ZNF33B: variants seen among roughly 807,000 people sequenced by gnomAD.
ZNF33B encodes zinc finger protein 11b (KOX 2).
Under a neutral mutation model 45.8 loss-of-function variants are expected in ZNF33B, and 29 were observed. That is an observed-to-expected ratio of 0.63 (90% CI 0.47 to 0.86). The LOEUF (loss-of-function observed/expected upper bound fraction) is 0.86, where lower values mean the gene tolerates loss of function less well. Ranked by LOEUF, ZNF33B falls within the 40% of genes least tolerant of loss-of-function variation. ZNF33B has a pLI of 0.00. For missense variants in ZNF33B, 831 were observed against 909.9 expected (o/e 0.91, Z 1.12); for synonymous variants, 305 against 307.8 (o/e 0.99, Z 0.10).
chr10:42,624,092 G>C (rs1257417574), intron 4 of ZNF33B, among the ~76,000 whole-genome samples: 1 of 152,230 alleles, frequency 6.6e-6, no homozygotes, highest in Non-Finnish European at 1.5e-5. Flanking sequence ...GTTGGCCACT[G>C]CATGTTCACA....
At chr10:42,610,287 G>C (rs1195735655) in intron 4 of ZNF33B, among the ~76,000 whole-genome samples, 7 of 152,300 alleles carry the variant, frequency 4.6e-5, no homozygotes, top group African/African-American at 1.4e-4. Flanking sequence ...TGTAATCCCA[G>C]CACTTTGGAA....
chr10:42,580,788 GGGACCC>G (rs1836811650), intron 1 of ZNF33B, among the ~76,000 whole-genome samples: 1 of 151,568 alleles, frequency 6.6e-6, no homozygotes, highest in South Asian at 2.1e-4. Context: ...GTATGGTAGT[GGGACCC>G]TGTGGCAGAG....
chr10:42,600,455 C>T (rs868736491), intron 4 of ZNF33B, among the ~76,000 whole-genome samples: 6 of 152,138 alleles, frequency 3.9e-5, no homozygotes, highest in Non-Finnish European at 4.4e-5. Flanking sequence ...GTATTCCTGG[C>T]TCTGAAAGCT....
At chr10:42,606,676 G>T (rs1451910096) in intron 4 of ZNF33B, among the ~76,000 whole-genome samples, 1 of 151,814 alleles carries the variant, frequency 6.6e-6, no homozygotes, top group Non-Finnish European at 1.5e-5. Context: ...ACACACTGGG[G>T]CCTATTGAGG....
intron 4 of ZNF33B, among the ~76,000 whole-genome samples, chr10:42,612,992 C>G (rs575786041): frequency 6.6e-6 from 1 of 152,142 alleles, no homozygotes; most frequent in Admixed American, 6.6e-5. Context: ...TAAGAAGAAG[C>G]CAGGAATAAA....
chr10:42,633,937 T>C (rs1839168862), intron 2 of ZNF33B, among the ~76,000 whole-genome samples: 1 of 147,890 alleles, frequency 6.8e-6, no homozygotes, highest in East Asian at 2.0e-4. Flanking sequence ...ACCACTGCAC[T>C]CCAGCCTGGG....
chr10:42,610,503 A>C (rs767511839), intron 4 of ZNF33B, among the ~76,000 whole-genome samples: 2 of 152,170 alleles, frequency 1.3e-5, no homozygotes, highest in Non-Finnish European at 2.9e-5. Flanking sequence ...GCGCCATTGC[A>C]CTCCACCCTG....
intron 4 of ZNF33B, among the ~76,000 whole-genome samples, chr10:42,598,686 G>A (rs1837497612): frequency 6.6e-6 from 1 of 152,234 alleles, no homozygotes; most frequent in Admixed American, 6.5e-5. Context: ...AGTTGGCCGA[G>A]ATACAGGGAA....
chr10:42,578,654 G>C (rs1338181230), intron 1 of ZNF33B: 5 of 152,630 alleles, frequency 3.3e-5, no homozygotes, highest in African/African-American at 1.2e-4. Context: ...CGGGATCCCT[G>C]ATCACTACTC....
chr10:42,584,261 A>T (rs563392917), downstream of ZNF33B, among the ~76,000 whole-genome samples: 7 of 152,228 alleles, frequency 4.6e-5, no homozygotes, highest in Admixed American at 2.6e-4. Context: ...TGCCAGAATG[A>T]CAAGGACAGT....
chr10:42,621,487 A>AGG (rs1392247668), intron 4 of ZNF33B, among the ~76,000 whole-genome samples: 1 of 152,132 alleles, frequency 6.6e-6, no homozygotes, highest in Non-Finnish European at 1.5e-5. Flanking sequence ...CAAGTGACCA[A>AGG]GGGGGACTTA....
chr10:42,580,604 A>G (rs1266027385), intron 1 of ZNF33B, among the ~76,000 whole-genome samples: 11 of 151,716 alleles, frequency 7.3e-5, no homozygotes, highest in Non-Finnish European at 1.6e-4. Context: ...ATTTTGGAAT[A>G]TTTTGAGTGG....
rs550471881 is a variant in ZNF33B at position 42,593,867 on chromosome 10, T to A, written c.1083A>T (p.Gln361His). The change falls in exon 5 of 5, where the codon CAA becomes CAT. Residue 361 changes from glutamine to histidine, a missense_variant. By Grantham distance (24) the Gln-to-His change is conservative (BLOSUM62 0). Transcript: ENST00000359467. ...ACTTCTCCCAGAAAGTTTTTCCACA[T>A]TGATTACATTGAAAGTGTTTCTCTC... ...HTGEKHFQCNQCGKTFWEKSN... is the reference protein window; with the variant it reads ...HTGEKHFQCNHCGKTFWEKSN... 4.3e-6 allele frequency: 7 copies of A among 1,613,986 alleles called. No homozygotes were observed. Among genetic ancestry groups the A allele is most frequent in the Non-Finnish European group, 5.9e-6 (7 of 1,179,982 alleles).
At chr10:42,626,328 T>C (rs1207334165) in intron 4 of ZNF33B, among the ~76,000 whole-genome samples, 1 of 152,212 alleles carries the variant, frequency 6.6e-6, no homozygotes, top group Non-Finnish European at 1.5e-5. Context: ...TATAGGTCTG[T>C]AGTTTTATTA....
intron 4 of ZNF33B, among the ~76,000 whole-genome samples, chr10:42,629,857 A>G (rs73266646): frequency 0.02 from 3,092 of 152,290 alleles, 79 homozygotes; most frequent in African/African-American, 0.063. Context: ...TGTTCTAGGT[A>G]TTAAAATGTA....
At chr10:42,596,776 T>A (rs1349391240) in intron 4 of ZNF33B, among the ~76,000 whole-genome samples, 2 of 152,102 alleles carry the variant, frequency 1.3e-5, no homozygotes, top group East Asian at 3.8e-4. Context: ...TACATATTTT[T>A]CTCCTGTCAC....
intron 1 of ZNF33B, among the ~76,000 whole-genome samples, chr10:42,637,579 G>A (rs1420273051): frequency 6.6e-6 from 1 of 152,214 alleles, no homozygotes; most frequent in Admixed American, 6.5e-5. Context: ...TCCTGAACAA[G>A]TCAGTAACCT....
chr10:42,604,217 G>A (rs1837746465), intron 4 of ZNF33B, among the ~76,000 whole-genome samples: 1 of 151,564 alleles, frequency 6.6e-6, no homozygotes, highest in African/African-American at 2.4e-5. Context: ...GGTTGAGGCA[G>A]GTGGATCACC....
At chr10:42,584,370 AGCCCACCTTAG>A (rs756172845), downstream of ZNF33B, among the ~76,000 whole-genome samples, 5 of 152,148 alleles carry the variant, frequency 3.3e-5, no homozygotes, top group Non-Finnish European at 7.4e-5. Context: ...TGCAAGACAC[AGCCCACCTTAG>A]GCAATGGTGG....
Sources: gnomAD v4.1 joint callset for allele counts (sites outside exome capture counted in the v4.1 genomes callset) on GRCh38, gnomAD v4.1.1 for gene constraint, MANE v1.5 for transcripts, NCBI Gene and HGNC (gene_info 2026-07-23, HGNC 2026-07-21) for gene names.